FANCL: variants seen among roughly 807,000 people sequenced by gnomAD.
The protein encoded by FANCL is E3 ubiquitin-protein ligase FANCL.
In FANCL, 69 loss-of-function variants were observed where a neutral mutation model predicts 59.4. The ratio of observed to expected loss-of-function variants is 1.16; its 90% confidence interval spans 0.96 to 1.42. The LOEUF is 1.42. Among genes scored for constraint, FANCL ranks in the 40% most tolerant of loss-of-function variants. FANCL has a pLI of 0.00. For synonymous variants in FANCL, 180 were observed against 147.1 expected, an observed-to-expected ratio of 1.22 and a Z score of -1.62; for missense variants, 519 against 447.2, an observed-to-expected ratio of 1.16 and a Z score of -1.45.
At chr2:58,212,059 T>TTAC (rs1462324628) in intron 5 of FANCL, among the ~76,000 whole-genome samples, 1 of 152,190 alleles carries the variant, frequency 6.6e-6, no homozygotes, top group Non-Finnish European at 1.5e-5. Context: ...TGGTACCAAT[T>TTAC]TACTGTATTA....
At chr2:58,195,508 C>T (rs1308601731) in intron 7 of FANCL, among the ~76,000 whole-genome samples, 1 of 151,974 alleles carries the variant, frequency 6.6e-6, no homozygotes, top group Non-Finnish European at 1.5e-5. Flanking sequence ...AGCAGAATAT[C>T]TTTTCAGAAA....
chr2:58,194,278 A>C (rs1267752804), intron 7 of FANCL: 1 of 471,058 alleles, frequency 2.1e-6, no homozygotes, highest in Non-Finnish European at 4.4e-6. Flanking sequence ...AGTGACCTGG[A>C]CAAAAGGAAT....
intron 11 of FANCL, among the ~76,000 whole-genome samples, 153 bp from the exon 12 acceptor site, chr2:58,161,791 C>A (rs543594856): frequency 6.6e-6 from 1 of 152,002 alleles, no homozygotes; most frequent in East Asian, 1.9e-4. Flanking sequence ...TCAACATTTA[C>A]CTTTTATGTT....
intron 5 of FANCL, among the ~76,000 whole-genome samples, chr2:58,220,677 T>C (rs1272701203): frequency 1.3e-5 from 2 of 152,202 alleles, no homozygotes; most frequent in Non-Finnish European, 2.9e-5. Flanking sequence ...TGTTCTCTTT[T>C]AAATGGCGAT....
At chr2:58,237,214 T>C (rs147305683) in intron 1 of FANCL, among the ~76,000 whole-genome samples, 131 of 152,320 alleles carry the variant, frequency 8.6e-4, no homozygotes, top group African/African-American at 2.9e-3. Context: ...ATAGACTATA[T>C]TATTGGTCAT....
chr2:58,188,937 A>T (rs1233317799), intron 7 of FANCL, among the ~76,000 whole-genome samples: 1 of 152,204 alleles, frequency 6.6e-6, no homozygotes, highest in African/African-American at 2.4e-5. Flanking sequence ...AAAAAGAATG[A>T]ACTATATTAC....
intron 7 of FANCL, among the ~76,000 whole-genome samples, chr2:58,182,247 C>A (rs1243867660): frequency 6.6e-6 from 1 of 151,800 alleles, no homozygotes; most frequent in African/African-American, 2.4e-5. Flanking sequence ...TATACAAATT[C>A]TATTCCACCC....
At chr2:58,199,916 A>G (rs1689823392) in intron 6 of FANCL, among the ~76,000 whole-genome samples, 1 of 152,076 alleles carries the variant, frequency 6.6e-6, no homozygotes, top group African/African-American at 2.4e-5. Flanking sequence ...AAATCACTAC[A>G]GTATTTAACA....
At chr2:58,225,869 C>T (rs1254472778) in intron 4 of FANCL, among the ~76,000 whole-genome samples, 1 of 151,992 alleles carries the variant, frequency 6.6e-6, no homozygotes, top group South Asian at 2.1e-4. Flanking sequence ...TACATAAGTA[C>T]CTTATAAGTC....
intron 5 of FANCL, among the ~76,000 whole-genome samples, chr2:58,205,131 G>C (rs1163432577): frequency 6.6e-6 from 1 of 151,912 alleles, no homozygotes; most frequent in East Asian, 1.9e-4. Flanking sequence ...ACCCATTGGA[G>C]TTCAGAATAT....
At chr2:58,228,172 T>C (rs1693222905) in intron 3 of FANCL, among the ~76,000 whole-genome samples, 1 of 152,190 alleles carries the variant, frequency 6.6e-6, no homozygotes. Context: ...AGTCATTCAT[T>C]AAAGTAAAAC....
At chr2:58,240,872 A>T (rs529991060) in intron 1 of FANCL, among the ~76,000 whole-genome samples, 1 of 152,170 alleles carries the variant, frequency 6.6e-6, no homozygotes, top group Non-Finnish European at 1.5e-5. Flanking sequence ...GGGTGTTAAA[A>T]TCGAGTTAAG....
intron 1 of FANCL, among the ~76,000 whole-genome samples, chr2:58,236,977 A>G (rs1399530592): frequency 6.6e-6 from 1 of 152,200 alleles, no homozygotes; most frequent in Non-Finnish European, 1.5e-5. Flanking sequence ...AAACTGATAG[A>G]AATTAAATAG....
At chr2:58,212,600 C>T (rs1242429071) in intron 5 of FANCL, among the ~76,000 whole-genome samples, 1 of 152,158 alleles carries the variant, frequency 6.6e-6, no homozygotes, top group Non-Finnish European at 1.5e-5. Flanking sequence ...CTAGGATACT[C>T]TTAATACCAA....
intron 7 of FANCL, among the ~76,000 whole-genome samples, chr2:58,175,372 G>C (rs1472443655): frequency 6.7e-6 from 1 of 150,048 alleles, no homozygotes; most frequent in Non-Finnish European, 1.5e-5. Flanking sequence ...GAACATTGAT[G>C]CAAAAATCCT....
chr2:58,197,138 T>C (rs1209613556), intron 7 of FANCL, among the ~76,000 whole-genome samples: 3 of 151,138 alleles, frequency 2.0e-5, no homozygotes, highest in Non-Finnish European at 4.4e-5. Context: ...ACTTCCATTG[T>C]GGGGAGATTG....
chr2:58,199,331 T>C (rs930972299), intron 6 of FANCL, among the ~76,000 whole-genome samples: 3 of 152,134 alleles, frequency 2.0e-5, no homozygotes, highest in African/African-American at 7.2e-5. Context: ...TATTTAATTT[T>C]CTTCTAGTCC....
At chr2:58,235,408 T>C (rs1693922212) in intron 1 of FANCL, among the ~76,000 whole-genome samples, 1 of 152,092 alleles carries the variant, frequency 6.6e-6, no homozygotes, top group South Asian at 2.1e-4. Context: ...GCTCAGAAGG[T>C]GTTGCTTCAC....
chr2:58,161,043 ACAAAAGGCATT>A (rs1457236914), intron 12 of FANCL, among the ~76,000 whole-genome samples: 1 of 152,054 alleles, frequency 6.6e-6, no homozygotes, highest in Non-Finnish European at 1.5e-5. Context: ...GACTCAGATC[ACAAAAGGCATT>A]CTTCTCAACA....
Sources: gnomAD v4.1 joint callset for allele counts (sites outside exome capture counted in the v4.1 genomes callset) on GRCh38, gnomAD v4.1.1 for gene constraint, MANE v1.5 for transcripts, NCBI Gene and HGNC (gene_info 2026-07-23, HGNC 2026-07-21) for gene names.